The following FAR2 variants were observed in gnomAD, a reference collection of about 807,000 sequenced individuals.
FAR2 encodes the protein epididymis secretory protein Li 81.
Under a neutral mutation model 56.0 loss-of-function variants are expected in FAR2, and 19 were observed. The ratio of observed to expected loss-of-function variants is 0.34; its 90% CI spans 0.24 to 0.50. FAR2 has a LOEUF of 0.50. Ranked by LOEUF, FAR2 falls within the 20% of genes least tolerant of loss-of-function variation. The probability of loss-of-function intolerance (pLI) is 0.98; values close to 1 mark genes in which losing one functional copy is unlikely to be tolerated. For missense variants in FAR2, 508 were observed against 642.2 expected (o/e 0.79, Z 2.26); for synonymous variants, 219 against 218.8 (o/e 1.00, Z -0.01).
At chr12:29,179,500 G>C (rs1949972602) in intron 1 of FAR2, among the ~76,000 whole-genome samples, 1 of 152,168 alleles carries the variant, frequency 6.6e-6, no homozygotes, top group Non-Finnish European at 1.5e-5. Context: ...CCATTCAACA[G>C]AAGACAGAAC....
chr12:29,328,652 A>G (rs1409969133), intron 10 of FAR2, among the ~76,000 whole-genome samples: 1 of 151,338 alleles, frequency 6.6e-6, no homozygotes, highest in African/African-American at 2.4e-5. Context: ...ACAAAAAACC[A>G]AACACCGCAT....
chr12:29,198,713 C>A (rs1377074704), intron 1 of FAR2, among the ~76,000 whole-genome samples: 1 of 152,038 alleles, frequency 6.6e-6, no homozygotes, highest in Non-Finnish European at 1.5e-5. Context: ...CTACAATCAA[C>A]TCTATATTTC....
At chr12:29,251,111 G>A (rs1012669004) in intron 1 of FAR2, among the ~76,000 whole-genome samples, 2 of 152,204 alleles carry the variant, frequency 1.3e-5, no homozygotes, top group African/African-American at 4.8e-5. Flanking sequence ...AGTGGATAGA[G>A]AAGTCTATTA....
intron 1 of FAR2, among the ~76,000 whole-genome samples, chr12:29,155,401 A>G (rs567256003): frequency 6.6e-6 from 1 of 152,354 alleles, no homozygotes; most frequent in Admixed American, 6.5e-5. Flanking sequence ...CAGAAATGCA[A>G]CTTATGGCCA....
chr12:29,314,602 C>G (rs1473232840), intron 8 of FAR2, among the ~76,000 whole-genome samples: 2 of 151,924 alleles, frequency 1.3e-5, no homozygotes, highest in African/African-American at 2.4e-5. Flanking sequence ...CTTTCCTAAC[C>G]CAGCCTCACC....
At chr12:29,322,352 C>T (rs1565524467) in intron 10 of FAR2, among the ~76,000 whole-genome samples, 2 of 152,190 alleles carry the variant, frequency 1.3e-5, no homozygotes, top group South Asian at 2.1e-4. Flanking sequence ...CAAAATTGTT[C>T]TGCCTCTCCC....
In FAR2 at chr12:29,333,928, A is replaced by C; in HGVS notation, c.*134A>C. 4.1e-6 allele frequency: 3 copies of C among 731,734 alleles called. No individual in the cohort carries two copies. The Admixed American group carries it at 9.4e-5, about 23-fold the overall frequency. 45.3% of individuals were successfully genotyped at this position (731,734 alleles called of 1,614,324 possible). On this transcript the variant is annotated 3_prime_UTR_variant, in exon 12 of 12. Coordinates refer to ENST00000536681, the MANE Select transcript of FAR2 (RefSeq NM_001271783.2). ...TGTCACCTGTTATGTATTCGTCCCT[A>C]TTCCTTAACTATGTATTTTTATTTC...
Position 29,297,095 on chromosome 12 carries a change from C to T in FAR2, c.440C>T (p.Ala147Val). Residue 147 changes from alanine (A) to valine (V), a missense_variant, in exon 4 of 12, where the codon GCC becomes GTC. Coordinates refer to ENST00000536681, the MANE Select transcript of FAR2 (RefSeq NM_001271783.2). The stretch of plus-strand genomic sequence containing the variant: ...GCTAGTCAGATGCCAAAGCTGGAAG[C>T]CTTTATACATATCTCTACTGCCTAT... Reference protein sequence around the residue: ...LMASQMPKLEAFIHISTAYSN... With the variant: ...LMASQMPKLEVFIHISTAYSN... 3.1e-6 allele frequency: 5 copies of T among 1,613,792 alleles called. No homozygotes were observed. The highest frequency in any genetic ancestry group is 4.2e-6 in the Non-Finnish European group (5 of 1,179,802).
At chr12:29,229,116 G>A (rs1947814039) in intron 1 of FAR2, among the ~76,000 whole-genome samples, 1 of 152,232 alleles carries the variant, frequency 6.6e-6, no homozygotes, top group African/African-American at 2.4e-5. Flanking sequence ...GGCAAGCTGA[G>A]CTTCAATTTG....
intron 1 of FAR2, among the ~76,000 whole-genome samples, chr12:29,217,966 T>A (rs947143229): frequency 2.0e-5 from 3 of 149,276 alleles, no homozygotes; most frequent in Admixed American, 2.0e-4. Context: ...AGAAATGGAA[T>A]TCTGAAGAAG....
intron 4 of FAR2, among the ~76,000 whole-genome samples, chr12:29,307,392 T>C (rs1949268593): frequency 1.4e-5 from 2 of 138,378 alleles, no homozygotes; most frequent in South Asian, 2.4e-4. Context: ...TATCGGTCTA[T>C]CTACCTACCT....
chr12:29,261,993 T>C lies in FAR2; in HGVS notation c.-38-8419T>C, dbSNP rs1188575574. Among the ~76,000 whole-genome samples the C allele has an allele frequency of 7.2e-5, 11 of 152,226 alleles. 1 individual carries two copies. Among genetic ancestry groups the C allele is most frequent in the Admixed American group, 7.2e-4 (11 of 15,276 alleles). ...TCATCTGAAGGTACTGAAAGCTCAC[T>C]GGTAATAAGTACACAAACACAGAAT... On this transcript the variant is annotated intron_variant, in intron 1 of 11. Coordinates refer to ENST00000536681, the MANE Select transcript of FAR2 (RefSeq NM_001271783.2).
intron 8 of FAR2, among the ~76,000 whole-genome samples, chr12:29,316,493 G>A (rs369041395): frequency 1.3e-5 from 2 of 152,224 alleles, no homozygotes; most frequent in East Asian, 3.9e-4. Flanking sequence ...AAGGTCTCTC[G>A]CCTCTGTCTT....
chr12:29,180,086 A>G lies in FAR2; in HGVS notation c.-39+30679A>G, dbSNP rs903863512. Among the ~76,000 whole-genome samples the G allele has an allele frequency of 7.2e-5, 11 of 152,142 alleles. No individual in the cohort carries two copies. In the East Asian group the frequency reaches 9.6e-4, roughly 13 times the overall value. ...AATCAGTCAAGGAAAGCTAAAATCA[A>G]CCATCCCCAGGAGAGCCAAATTCAA... On this transcript the variant is annotated intron_variant, in intron 1 of 11. Coordinates refer to ENST00000536681, the MANE Select transcript of FAR2 (RefSeq NM_001271783.2).
chr12:29,218,717 A>C (rs916786384), intron 1 of FAR2, among the ~76,000 whole-genome samples: 1 of 151,032 alleles, frequency 6.6e-6, no homozygotes, highest in Non-Finnish European at 1.5e-5. Flanking sequence ...TGACTGTAAA[A>C]CAAAAATACA....
At chr12:29,288,116 T>C (rs1000974412) in intron 2 of FAR2, among the ~76,000 whole-genome samples, 2 of 152,184 alleles carry the variant, frequency 1.3e-5, no homozygotes, top group Non-Finnish European at 1.5e-5. Context: ...AAAAACAAAT[T>C]AAGGAGAGAA....
chr12:29,170,862 C>T (rs532841127), intron 1 of FAR2, among the ~76,000 whole-genome samples: 21 of 152,322 alleles, frequency 1.4e-4, no homozygotes, highest in Admixed American at 5.2e-4. Context: ...TTCCCCTTTT[C>T]GATGGCTTCG....
chr12:29,333,394 T>C (rs1376380809), intron 11 of FAR2: 11 of 449,996 alleles, frequency 2.4e-5, no homozygotes, highest in East Asian at 3.6e-5. Flanking sequence ...TGCTTGTAAA[T>C]AGTTTCAAGT....
At chr12:29,253,915 T>C (rs190949153) in intron 1 of FAR2, among the ~76,000 whole-genome samples, 24 of 152,304 alleles carry the variant, frequency 1.6e-4, no homozygotes, top group South Asian at 6.2e-4. Flanking sequence ...AAATGGTGGA[T>C]TTAGGTTATA....
Sources: allele counts gnomAD v4.1 joint callset (sites outside exome capture counted in the v4.1 genomes callset), GRCh38; gene constraint gnomAD v4.1.1; transcripts MANE v1.5; gene names NCBI Gene and HGNC (gene_info 2026-07-23, HGNC 2026-07-21).